Variants in SCHIP1 observed in about 807,000 individuals in gnomAD.
The protein encoded by SCHIP1 is schwannomin-interacting protein 1.
In SCHIP1, 8 loss-of-function variants were observed where a neutral mutation model predicts 29.7. The observed-to-expected ratio is 0.27, with a 90% CI of 0.16 to 0.49. The LOEUF is 0.49. SCHIP1 is among the 20% of genes least tolerant of loss of function. The probability of loss-of-function intolerance (pLI) is 0.99; values close to 1 mark genes in which losing one functional copy is unlikely to be tolerated. For synonymous variants in SCHIP1, 76 were observed against 94.9 expected (o/e 0.80, Z 1.16); for missense variants, 193 against 294.6 (o/e 0.66, Z 2.52).
At chr3:159,340,116 GACTTTAAGAGGATA>G in the SCHIP1 span, among the ~76,000 whole-genome samples, 3 of 152,034 alleles carry the variant, frequency 2.0e-5, no homozygotes, top group Non-Finnish European at 4.4e-5. Flanking sequence ...GACAGACAAT[GACTTTAAGAGGATA>G]ACTAGGAAGG....
chr3:159,553,963 G>A, the SCHIP1 span, among the ~76,000 whole-genome samples: 1 of 139,692 alleles, frequency 7.2e-6, no homozygotes. Context: ...ACCACGCCCA[G>A]CTACGTGTGT....
chr3:159,805,871 C>T, the SCHIP1 span, among the ~76,000 whole-genome samples: 2 of 148,364 alleles, frequency 1.3e-5, no homozygotes, highest in Admixed American at 6.8e-5. Flanking sequence ...TGCAGTGGAG[C>T]GATCTCGGCT....
At chr3:159,462,255 G>A in the SCHIP1 span, among the ~76,000 whole-genome samples, 1 of 151,890 alleles carries the variant, frequency 6.6e-6, no homozygotes, top group Non-Finnish European at 1.5e-5. Flanking sequence ...CATCTGAAAT[G>A]TCACCACCAG....
the SCHIP1 span, among the ~76,000 whole-genome samples, chr3:159,287,708 T>C: frequency 6.6e-6 from 1 of 152,160 alleles, no homozygotes; most frequent in Admixed American, 6.5e-5. Flanking sequence ...CTGTAATTAT[T>C]CTCATTTTAC....
chr3:159,373,325 GTATT>G, the SCHIP1 span, among the ~76,000 whole-genome samples: 3 of 151,448 alleles, frequency 2.0e-5, no homozygotes, highest in East Asian at 1.9e-4. Flanking sequence ...ATTATAGTAT[GTATT>G]TACGGGATAA....
chr3:159,522,495 T>C, the SCHIP1 span, among the ~76,000 whole-genome samples: 2 of 152,252 alleles, frequency 1.3e-5, no homozygotes, highest in African/African-American at 4.8e-5. Flanking sequence ...AAGGCATCTA[T>C]TGCTCTATGA....
At chr3:159,680,706 T>TATGTATATATATAC in the SCHIP1 span, among the ~76,000 whole-genome samples, 3 of 12,430 alleles carry the variant, frequency 2.4e-4, no homozygotes, top group African/African-American at 7.7e-4. Context: ...TAATATATAT[T>TATGTATATATATAC]ATATATAATA....
At chr3:159,398,535 G>A in the SCHIP1 span, among the ~76,000 whole-genome samples, 1 of 152,298 alleles carries the variant, frequency 6.6e-6, no homozygotes, top group African/African-American at 2.4e-5. Flanking sequence ...TAGCATGTTA[G>A]CATGAAAGTA....
chr3:159,633,483 G>A, the SCHIP1 span, among the ~76,000 whole-genome samples: 1 of 152,132 alleles, frequency 6.6e-6, no homozygotes. Context: ...AACATTGGGA[G>A]TAAAGAAAAA....
At chr3:159,414,052 T>C in the SCHIP1 span, among the ~76,000 whole-genome samples, 1 of 152,190 alleles carries the variant, frequency 6.6e-6, no homozygotes, top group Admixed American at 6.5e-5. Context: ...TTGTGGGCGT[T>C]ATGTGAACCA....
intron 1 of SCHIP1, among the ~76,000 whole-genome samples, chr3:159,857,456 C>T (rs1012212025): frequency 1.3e-5 from 2 of 152,126 alleles, no homozygotes; most frequent in Admixed American, 6.5e-5. Flanking sequence ...ATATAATTCA[C>T]ATACATAAAA....
At chr3:159,389,786 TC>T in the SCHIP1 span, among the ~76,000 whole-genome samples, 2 of 152,042 alleles carry the variant, frequency 1.3e-5, no homozygotes, top group Non-Finnish European at 2.9e-5. Context: ...CCATGGTGAC[TC>T]TACATGAATG....
the SCHIP1 span, among the ~76,000 whole-genome samples, chr3:159,721,106 T>C: frequency 2.0e-5 from 3 of 152,140 alleles, no homozygotes; most frequent in Non-Finnish European, 4.4e-5. Flanking sequence ...CTCTAAACAA[T>C]GAAGGATCGA....
At chr3:159,472,496 T>A in the SCHIP1 span, among the ~76,000 whole-genome samples, 1 of 152,196 alleles carries the variant, frequency 6.6e-6, no homozygotes, top group Admixed American at 6.6e-5. Context: ...TATGCTATAT[T>A]GCCTGAGTCG....
At chr3:159,842,264 G>A (rs1744288110) in intron 1 of SCHIP1, among the ~76,000 whole-genome samples, 1 of 152,124 alleles carries the variant, frequency 6.6e-6, no homozygotes, top group Admixed American at 6.6e-5. Context: ...CATAAATGAT[G>A]TATGCCAAGA....
chr3:159,506,904 G>A, the SCHIP1 span, among the ~76,000 whole-genome samples: 1 of 152,164 alleles, frequency 6.6e-6, no homozygotes, highest in East Asian at 1.9e-4. Context: ...GTAGCGTGAT[G>A]CCCCCAGCTT....
chr3:159,434,883 T>C, the SCHIP1 span, among the ~76,000 whole-genome samples: 52 of 152,174 alleles, frequency 3.4e-4, 1 homozygote, highest in Non-Finnish European at 1.5e-5. Context: ...CATTGTGTGA[T>C]TCTCTGCACT....
chr3:159,751,781 C>G, the SCHIP1 span, among the ~76,000 whole-genome samples: 2 of 152,128 alleles, frequency 1.3e-5, no homozygotes, highest in Non-Finnish European at 2.9e-5. Context: ...CTCCTAACCT[C>G]ATGATCTGCC....
the SCHIP1 span, among the ~76,000 whole-genome samples, chr3:159,653,600 A>G: frequency 6.6e-6 from 1 of 151,170 alleles, no homozygotes; most frequent in Non-Finnish European, 1.5e-5. Context: ...GGTGGGGGGT[A>G]AGGGAAGGGA....
Sources: allele counts gnomAD v4.1 joint callset (sites outside exome capture counted in the v4.1 genomes callset), GRCh38; gene constraint gnomAD v4.1.1; transcripts MANE v1.5; gene names NCBI Gene and HGNC (gene_info 2026-07-23, HGNC 2026-07-21).